Variants in TEX11 observed in about 807,000 individuals in gnomAD.
TEX11 encodes testis expressed 11, also known as testis-expressed protein 11.
Under a neutral mutation model 84.4 loss-of-function variants are expected in TEX11, and 7 were observed. The ratio of observed to expected loss-of-function variants is 0.08; its 90% CI spans 0.05 to 0.16. The LOEUF (loss-of-function observed/expected upper bound fraction) is 0.16. TEX11 is among the 10% of genes least tolerant of loss of function. The pLI, the probability that TEX11 is intolerant of heterozygous loss-of-function variation, is 1.00. For missense variants in TEX11, 551 were observed against 660.5 expected (o/e 0.83, Z 1.82); for synonymous variants, 264 against 222.8 (o/e 1.18, Z -1.64).
At chrX:70,586,154 T>C (rs919297096) in intron 25 of TEX11, among the ~76,000 whole-genome samples, 3 of 112,606 alleles carry the variant, frequency 2.7e-5, no homozygotes, top group Admixed American at 1.9e-4. Context: ...TACTACACCA[T>C]TGAATATAAA....
chrX:70,572,551 C>T (rs913494426), intron 25 of TEX11, among the ~76,000 whole-genome samples: 8 of 110,715 alleles, frequency 7.2e-5, no homozygotes, highest in East Asian at 2.8e-4. Context: ...CACATGCACA[C>T]GTATGTTTAT....
intron 2 of TEX11, chrX:70,897,654 AG>A: frequency 1.1e-5 from 1 of 93,649 alleles, no homozygotes; most frequent in African/African-American, 4.2e-5. Context: ...GAAGGAAGGA[AG>A]GAAGGAAGGA....
intron 17 of TEX11, among the ~76,000 whole-genome samples, chrX:70,639,037 C>T (rs937596571): frequency 1.0e-4 from 11 of 109,964 alleles, no homozygotes; most frequent in East Asian, 8.7e-4. Context: ...AGACAGTGGG[C>T]GCAGGTCAGT....
chrX:70,668,085 G>A (rs773485850), intron 16 of TEX11, among the ~76,000 whole-genome samples: 3 of 111,830 alleles, frequency 2.7e-5, no homozygotes, highest in Admixed American at 9.5e-5. Flanking sequence ...TCATGTCAGT[G>A]GCTACAAGCT....
chrX:70,788,055 G>A (rs2091090689), intron 9 of TEX11, among the ~76,000 whole-genome samples: 1 of 110,434 alleles, frequency 9.1e-6, no homozygotes, highest in South Asian at 3.9e-4. Context: ...TTCATGGATT[G>A]AAAGAATTCA....
At chrX:70,822,674 G>C (rs2091324364) in intron 8 of TEX11, among the ~76,000 whole-genome samples, 1 of 111,069 alleles carries the variant, frequency 9.0e-6, no homozygotes, top group Non-Finnish European at 1.9e-5. Context: ...TTAAAACGAG[G>C]TTTATTTGAT....
At chrX:70,881,842 T>C (rs1268573588) in intron 2 of TEX11, among the ~76,000 whole-genome samples, 1 of 109,324 alleles carries the variant, frequency 9.1e-6, no homozygotes. Flanking sequence ...TTAAATACTT[T>C]AGGTGAAAAA....
chrX:70,519,152 A>G, the TEX11 span, among the ~76,000 whole-genome samples: 1 of 112,008 alleles, frequency 8.9e-6, no homozygotes, highest in Non-Finnish European at 1.9e-5. Context: ...TGATCCCATC[A>G]TTATGATATT....
In TEX11 at chrX:70,903,718, C is replaced by T. The variant is rs1402257261; in HGVS notation, c.37+4035G>A. Among the ~76,000 whole-genome samples, 4 of 110,066 alleles carry T rather than the reference C, an allele frequency of 3.6e-5. 1 individual carries two copies. Among genetic ancestry groups the T allele is most frequent in the Non-Finnish European group, 1.9e-5 (1 of 52,904 alleles). Reference sequence around the variant, plus strand: ...GAATGCTCAATCTGAAGACACTTTCCGGGGTACAAGATAAGTTATCTTCAA... The same window carrying T: ...GAATGCTCAATCTGAAGACACTTTCTGGGGTACAAGATAAGTTATCTTCAA... On this transcript the variant is annotated intron_variant, in intron 2 of 29. Coordinates refer to ENST00000374333, the MANE Select transcript of TEX11 (RefSeq NM_031276.3).
At chrX:70,737,530 T>C (rs1167487420) in intron 11 of TEX11, among the ~76,000 whole-genome samples, 1 of 110,792 alleles carries the variant, frequency 9.0e-6, no homozygotes, top group Non-Finnish European at 1.9e-5. Context: ...CTTAAAAGCA[T>C]AACATCAAGT....
At chrX:70,669,968 C>T (rs1489319541) in intron 16 of TEX11, among the ~76,000 whole-genome samples, 1 of 112,074 alleles carries the variant, frequency 8.9e-6, no homozygotes. Context: ...GAGATAACAA[C>T]CTAGAAAGTG....
intron 8 of TEX11, among the ~76,000 whole-genome samples, chrX:70,813,316 T>A (rs1482586967): frequency 8.9e-6 from 1 of 111,741 alleles, no homozygotes; most frequent in African/African-American, 3.3e-5. Context: ...ATGAATGTAA[T>A]CCAGCATATA....
chrX:70,837,000 G>A (rs1444327273), intron 7 of TEX11, among the ~76,000 whole-genome samples: 2 of 111,325 alleles, frequency 1.8e-5, no homozygotes, highest in Non-Finnish European at 3.8e-5. Flanking sequence ...CTGGGTGACA[G>A]AGTGAGACTC....
chrX:70,559,439 G>A (rs930022790), intron 25 of TEX11, among the ~76,000 whole-genome samples: 13 of 112,188 alleles, frequency 1.2e-4, no homozygotes, highest in African/African-American at 3.6e-4. Flanking sequence ...TAAAGGGTAC[G>A]TTGCTTTCCT....
intron 15 of TEX11, among the ~76,000 whole-genome samples, chrX:70,674,578 T>A (rs1190026521): frequency 1.8e-5 from 2 of 112,430 alleles, no homozygotes; most frequent in Non-Finnish European, 3.8e-5. Context: ...TTTGACTTTT[T>A]AATAATGTAT....
intron 8 of TEX11, among the ~76,000 whole-genome samples, chrX:70,822,875 T>G (rs2091325423): frequency 9.0e-6 from 1 of 110,517 alleles, no homozygotes; most frequent in Non-Finnish European, 1.9e-5. Context: ...TAGCAGGAAC[T>G]AATAGAGAGA....
intron 2 of TEX11, among the ~76,000 whole-genome samples, chrX:70,882,686 G>T (rs778935937): frequency 9.1e-6 from 1 of 110,060 alleles, no homozygotes; most frequent in African/African-American, 3.3e-5. Context: ...TGGCTGAGGT[G>T]AGAGGATCAC....
intron 28 of TEX11, among the ~76,000 whole-genome samples, chrX:70,532,201 T>C (rs2087896627): frequency 1.8e-5 from 2 of 112,285 alleles, no homozygotes; most frequent in Non-Finnish European, 3.8e-5. Context: ...AAAGAAACCA[T>C]GGAACTTTGT....
chrX:70,892,559 C>T (rs1303173638), intron 2 of TEX11, among the ~76,000 whole-genome samples: 3 of 110,459 alleles, frequency 2.7e-5, no homozygotes, highest in African/African-American at 9.9e-5. Context: ...ATAGTGAAAC[C>T]CTGTCTCTAC....
Sources: gnomAD v4.1 joint callset for allele counts (sites outside exome capture counted in the v4.1 genomes callset) on GRCh38, gnomAD v4.1.1 for gene constraint, MANE v1.5 for transcripts, NCBI Gene and HGNC (gene_info 2026-07-23, HGNC 2026-07-21) for gene names.